KLHDC10: variants seen among roughly 807,000 people sequenced by gnomAD.
KLHDC10 encodes kelch domain-containing protein 10.
Under a neutral mutation model 56.1 loss-of-function variants are expected in KLHDC10, and 24 were observed. That is an observed-to-expected ratio of 0.43 (90% CI 0.31 to 0.60). The LOEUF is 0.60. Among genes scored for constraint, KLHDC10 ranks in the 20% least tolerant of loss-of-function variants. The pLI is 0.11. For synonymous variants in KLHDC10, 188 were observed against 207.1 expected, an observed-to-expected ratio of 0.91 and a Z score of 0.79; for missense variants, 349 against 567.0, an observed-to-expected ratio of 0.62 and a Z score of 3.91.
intron 1 of KLHDC10, among the ~76,000 whole-genome samples, chr7:130,073,287 A>G (rs1188254968): frequency 7.4e-6 from 1 of 134,280 alleles, no homozygotes; most frequent in Non-Finnish European, 1.6e-5. Flanking sequence ...TCTAAATCCT[A>G]TTTGTCTTTT....
chr7:130,129,055 T>A (rs1313638513), intron 8 of KLHDC10, among the ~76,000 whole-genome samples: 1 of 151,840 alleles, frequency 6.6e-6, no homozygotes, highest in African/African-American at 2.4e-5. Context: ...CAGCTGGGGC[T>A]GCATAGCTGT....
intron 1 of KLHDC10, among the ~76,000 whole-genome samples, chr7:130,084,301 G>A (rs1452758675): frequency 6.6e-6 from 1 of 152,156 alleles, no homozygotes; most frequent in Non-Finnish European, 1.5e-5. Flanking sequence ...AATGGGACAC[G>A]GTAACACAGA....
At chr7:130,094,721 A>C (rs1467978741) in intron 1 of KLHDC10, among the ~76,000 whole-genome samples, 1 of 152,082 alleles carries the variant, frequency 6.6e-6, no homozygotes, top group Admixed American at 6.5e-5. Flanking sequence ...TTTTGTATAT[A>C]CTCTTCAGTG....
intron 3 of KLHDC10, chr7:130,117,703 T>G (rs1796185506): frequency 6.6e-6 from 1 of 151,366 alleles, no homozygotes; most frequent in Non-Finnish European, 1.5e-5. Flanking sequence ...ATAAAAAAAT[T>G]AACCAGGCAT....
chr7:130,119,567 G>A (rs1244033375), intron 3 of KLHDC10, among the ~76,000 whole-genome samples: 11 of 148,286 alleles, frequency 7.4e-5, no homozygotes, highest in Non-Finnish European at 1.5e-5. Context: ...AAGCCAGCTG[G>A]GCATGGTGGC....
At chr7:130,107,866 AAGAG>A (rs1796033163) in intron 2 of KLHDC10, among the ~76,000 whole-genome samples, 1 of 143,022 alleles carries the variant, frequency 7.0e-6, no homozygotes, top group African/African-American at 2.6e-5. Context: ...AAAAAAAAAA[AAGAG>A]CCGGACGCGG....
chr7:130,084,263 C>T (rs1412413162), intron 1 of KLHDC10, among the ~76,000 whole-genome samples: 1 of 152,108 alleles, frequency 6.6e-6, no homozygotes, highest in Non-Finnish European at 1.5e-5. Context: ...TTCTAAAGCT[C>T]CCTCTAGCTG....
chr7:130,100,089 G>C (rs1222113762), intron 2 of KLHDC10, among the ~76,000 whole-genome samples: 1 of 149,850 alleles, frequency 6.7e-6, no homozygotes, highest in Non-Finnish European at 1.5e-5. Context: ...CTGGGTGAAA[G>C]AGCGAGGCCC....
chr7:130,105,005 C>T (rs933029738), intron 2 of KLHDC10, among the ~76,000 whole-genome samples: 2 of 152,082 alleles, frequency 1.3e-5, no homozygotes, highest in African/African-American at 2.4e-5. Context: ...CATGAAAAGG[C>T]GCTCACCCTC....
chr7:130,130,462 G>A lies in KLHDC10; in HGVS notation c.1120-75G>A. The stretch of plus-strand genomic sequence containing the variant: ...ATTTCATTTTGATTCCATCTACTAT[G>A]CTTTTTCCCCACTGAGTCTTCAGCC... On this transcript the variant is annotated intron_variant, in intron 9 of 9. Coordinates refer to ENST00000335420, the MANE Select transcript of KLHDC10 (RefSeq NM_014997.4). The surrounding 1 kb of genome is among the most constrained non-coding windows in gnomAD (Gnocchi z 4.2). 1.7e-6 allele frequency: 2 copies of A among 1,155,026 alleles called. No individual in the cohort carries two copies. The highest frequency in any genetic ancestry group is 1.3e-5 in the South Asian group (1 of 79,278). 71.5% of individuals were successfully genotyped at this position (1,155,026 alleles called of 1,614,324 possible). A position where few individuals can be genotyped will look rare whatever the true frequency, so the allele number is the denominator to read the frequency against.
At chr7:130,102,288 G>A (rs1172253289) in intron 2 of KLHDC10, among the ~76,000 whole-genome samples, 3 of 152,166 alleles carry the variant, frequency 2.0e-5, no homozygotes, top group Admixed American at 2.0e-4. Flanking sequence ...TAATACAACT[G>A]TTGAGGAAAC....
intron 1 of KLHDC10, among the ~76,000 whole-genome samples, chr7:130,095,612 T>C (rs143462154): frequency 6.6e-6 from 1 of 152,158 alleles, no homozygotes; most frequent in East Asian, 1.9e-4. Context: ...TCTACAAAAT[T>C]AAGTGCAAAT....
At chr7:130,070,876 C>T (rs761390304) in intron 1 of KLHDC10, 67 bp downstream of exon 1, 428 of 1,183,968 alleles carry the variant, frequency 3.6e-4, no homozygotes, top group Admixed American at 8.9e-4. Flanking sequence ...TTCTTTTTCT[C>T]CCTGGCTTGC....
chr7:130,097,105 T>A, intron 2 of KLHDC10, 98 bp downstream of exon 2: 1 of 752,450 alleles, frequency 1.3e-6, no homozygotes, highest in Non-Finnish European at 2.2e-6. Context: ...AAAAATCATC[T>A]AAACAGCTAA....
intron 1 of KLHDC10, among the ~76,000 whole-genome samples, chr7:130,074,815 T>C (rs1395180080): frequency 1.3e-5 from 2 of 152,120 alleles, no homozygotes; most frequent in African/African-American, 4.8e-5. Context: ...TTCATCATGT[T>C]GGCCAGGCTG....
intron 2 of KLHDC10, among the ~76,000 whole-genome samples, chr7:130,102,188 C>T (rs938012575): frequency 6.6e-6 from 1 of 152,098 alleles, no homozygotes; most frequent in Non-Finnish European, 1.5e-5. Context: ...TTTTTCTCCA[C>T]TTGTAAAGGG....
At chr7:130,077,402 C>A in intron 1 of KLHDC10, among the ~76,000 whole-genome samples, 1 of 137,146 alleles carries the variant, frequency 7.3e-6, no homozygotes. Flanking sequence ...TATTTATTGT[C>A]ATTCAAGTAT....
intron 2 of KLHDC10, among the ~76,000 whole-genome samples, chr7:130,106,580 T>G (rs1402953745): frequency 6.6e-6 from 1 of 152,266 alleles, no homozygotes; most frequent in Non-Finnish European, 1.5e-5. Context: ...TTTGCTGTAT[T>G]AAATAAAACA....
intron 4 of KLHDC10, 69 bp from the exon 5 acceptor site, chr7:130,121,985 T>G: frequency 7.4e-7 from 1 of 1,355,120 alleles, no homozygotes; most frequent in Non-Finnish European, 1.0e-6. Flanking sequence ...TTTGGAGGTA[T>G]CTGGTAAGTT....
Sources: gnomAD v4.1 joint callset for allele counts (sites outside exome capture counted in the v4.1 genomes callset) on GRCh38, gnomAD v4.1.1 for gene constraint, Gnocchi (gnomAD v3.1) non-coding constraint, MANE v1.5 for transcripts, NCBI Gene and HGNC (gene_info 2026-07-23, HGNC 2026-07-21) for gene names.